Variants in SLC9A9 observed in about 807,000 individuals in gnomAD.
The protein encoded by SLC9A9 is solute carrier family 9 member A9, also known as sodium/hydrogen exchanger 9.
In SLC9A9, 62 loss-of-function variants were observed where a neutral mutation model predicts 77.8. That is an observed-to-expected ratio of 0.80 (90% confidence interval 0.65 to 0.98). SLC9A9 has a LOEUF of 0.98. Ranked by LOEUF, SLC9A9 falls within the 50% of genes least tolerant of loss-of-function variation. The pLI, the probability that SLC9A9 is intolerant of heterozygous loss-of-function variation, is 0.00. For missense variants in SLC9A9, 775 were observed against 774.9 expected (o/e 1.00, Z 0.00); for synonymous variants, 320 against 283.5 (o/e 1.13, Z -1.29).
rs909336727 is a variant in SLC9A9 at position 143,425,051 on chromosome 3, G to C, written c.1469+41986C>G. On this transcript the variant is annotated intron_variant, in intron 12 of 15. Coordinates refer to ENST00000316549, the MANE Select transcript of SLC9A9 (RefSeq NM_173653.4). ...CTATGTGATCCATTTTCCCCTCAGG[G>C]CATTTGCCAGGGAGAACAGTCTGTT... 9.8e-5 allele frequency among the ~76,000 whole-genome samples: 15 copies of C among 152,286 alleles called. No individual in the cohort carries two copies. The East Asian group carries it at 2.7e-3, about 27-fold the overall frequency.
intron 14 of SLC9A9, among the ~76,000 whole-genome samples, chr3:143,360,651 T>C (rs1323707973): frequency 6.6e-6 from 1 of 152,230 alleles, no homozygotes; most frequent in African/African-American, 2.4e-5. Flanking sequence ...GGGAAAGGTA[T>C]GTATGTACTA....
chr3:143,452,842 G>A (rs1290920189), intron 12 of SLC9A9, among the ~76,000 whole-genome samples: 3 of 151,938 alleles, frequency 2.0e-5, no homozygotes, highest in Non-Finnish European at 4.4e-5. Context: ...ATTTCTAGGT[G>A]CAATAACGGT....
At chr3:143,434,326 T>G (rs1340564217) in intron 12 of SLC9A9, among the ~76,000 whole-genome samples, 1 of 152,158 alleles carries the variant, frequency 6.6e-6, no homozygotes, top group Non-Finnish European at 1.5e-5. Context: ...AGATATTTAG[T>G]GATGAATAAC....
intron 4 of SLC9A9, among the ~76,000 whole-genome samples, chr3:143,706,352 T>G (rs922641936): frequency 2.0e-5 from 3 of 152,228 alleles, no homozygotes; most frequent in Admixed American, 2.0e-4. Context: ...GTATGGGCTA[T>G]TCTTCCCTAA....
intron 2 of SLC9A9, among the ~76,000 whole-genome samples, chr3:143,813,823 A>T (rs1247827112): frequency 6.6e-6 from 1 of 152,188 alleles, no homozygotes; most frequent in African/African-American, 2.4e-5. Flanking sequence ...GGCCATGTGA[A>T]TGTATTACCT....
intron 5 of SLC9A9, among the ~76,000 whole-genome samples, chr3:143,688,779 C>T (rs1000138521): frequency 6.6e-6 from 1 of 151,952 alleles, no homozygotes; most frequent in Admixed American, 6.6e-5. Flanking sequence ...TTCAATCAAC[C>T]TCTCATACCA....
At chr3:143,591,215 T>A (rs2037639304) in intron 6 of SLC9A9, among the ~76,000 whole-genome samples, 2 of 152,326 alleles carry the variant, frequency 1.3e-5, no homozygotes, top group South Asian at 2.1e-4. Context: ...TGGGCCCCCA[T>A]CACAGCTCAA....
At chr3:143,822,889 C>T (rs1348866752) in intron 2 of SLC9A9, among the ~76,000 whole-genome samples, 1 of 152,196 alleles carries the variant, frequency 6.6e-6, no homozygotes, top group Non-Finnish European at 1.5e-5. Context: ...GAATCTCTCT[C>T]TGCCTCCTTC....
chr3:143,652,778 T>C (rs866282161), intron 5 of SLC9A9, among the ~76,000 whole-genome samples: 2 of 82,380 alleles, frequency 2.4e-5, no homozygotes, highest in Admixed American at 1.3e-4. Context: ...ATTCCTTAAA[T>C]ACACACACAC....
At chr3:143,529,034 C>T (rs542330617) in intron 9 of SLC9A9, among the ~76,000 whole-genome samples, 1 of 152,288 alleles carries the variant, frequency 6.6e-6, no homozygotes, top group East Asian at 1.9e-4. Context: ...ATGAGAGGGA[C>T]AGTGCCGGTG....
chr3:143,419,633 CTG>C (rs1476466187), intron 12 of SLC9A9, among the ~76,000 whole-genome samples: 3 of 152,160 alleles, frequency 2.0e-5, no homozygotes, highest in African/African-American at 7.2e-5. Flanking sequence ...AAGGCCTACC[CTG>C]TGTTAGCGTG....
At chr3:143,357,183 C>T (rs1320002096) in intron 14 of SLC9A9, among the ~76,000 whole-genome samples, 3 of 152,036 alleles carry the variant, frequency 2.0e-5, no homozygotes, top group Non-Finnish European at 4.4e-5. Context: ...GTGGAGTTAT[C>T]TTTACATTTT....
chr3:143,441,220 G>A (rs886473819), intron 12 of SLC9A9, among the ~76,000 whole-genome samples: 3 of 152,088 alleles, frequency 2.0e-5, no homozygotes, highest in African/African-American at 7.2e-5. Flanking sequence ...AATTCCTCTT[G>A]ACTCTTTCCT....
intron 13 of SLC9A9, among the ~76,000 whole-genome samples, chr3:143,372,920 T>G (rs1030526610): frequency 2.6e-5 from 4 of 152,138 alleles, no homozygotes; most frequent in Admixed American, 2.6e-4. Context: ...ACTTTACTCC[T>G]GCAAGAATGG....
In SLC9A9 at chr3:143,318,401, C is replaced by A. The variant is rs181400791; in HGVS notation, c.1604+45083G>T. 1.0e-3 allele frequency among the ~76,000 whole-genome samples: 155 copies of A among 151,976 alleles called. 1 individual carries two copies. The highest frequency in any genetic ancestry group is 1.4e-3 in the East Asian group (7 of 5,166). Reference sequence around the variant, plus strand: ...GAACTCAAAGTAACATCCAATTAACCCTGTGAAATAAATATGAGAGAAATA... The same window carrying A: ...GAACTCAAAGTAACATCCAATTAACACTGTGAAATAAATATGAGAGAAATA... On this transcript the variant is annotated intron_variant, in intron 14 of 15. Transcript: ENST00000316549.
chr3:143,439,933 G>A (rs2034697227), intron 12 of SLC9A9, among the ~76,000 whole-genome samples: 1 of 152,204 alleles, frequency 6.6e-6, no homozygotes, highest in Admixed American at 6.5e-5. Context: ...GAAGCCCTCA[G>A]CAGTTTTATT....
chr3:143,517,079 T>C (rs1372218696), intron 9 of SLC9A9: 3 of 1,244,978 alleles, frequency 2.4e-6, no homozygotes, highest in African/African-American at 1.5e-5. Flanking sequence ...TTTAACTTTT[T>C]TTTTTTTCCT....
At chr3:143,639,630 G>A (rs947000203) in intron 6 of SLC9A9, among the ~76,000 whole-genome samples, 1 of 152,204 alleles carries the variant, frequency 6.6e-6, no homozygotes, top group Non-Finnish European at 1.5e-5. Context: ...AAAGTGAGCA[G>A]TTTTTAATTA....
intron 6 of SLC9A9, among the ~76,000 whole-genome samples, chr3:143,600,736 G>A (rs527463973): frequency 2.0e-4 from 31 of 152,306 alleles, no homozygotes; most frequent in African/African-American, 7.5e-4. Context: ...GCTATCATGA[G>A]GAGCTAAAAT....
Sources: allele counts gnomAD v4.1 joint callset (sites outside exome capture counted in the v4.1 genomes callset), GRCh38; gene constraint gnomAD v4.1.1; transcripts MANE v1.5; gene names NCBI Gene and HGNC (gene_info 2026-07-23, HGNC 2026-07-21).